The following DCDC1 variants were observed in gnomAD, a reference collection of about 807,000 sequenced individuals.
The protein encoded by DCDC1 is doublecortin domain containing 1.
DCDC1 carries 200 observed loss-of-function variants against 178.3 expected under a neutral mutation model. The observed-to-expected ratio is 1.12, with a 90% CI of 1.00 to 1.26. The LOEUF (loss-of-function observed/expected upper bound fraction) is 1.26. DCDC1 is among the 50% of genes most tolerant of loss of function. The pLI is 0.00. For missense variants in DCDC1, 1,983 were observed against 1,749.2 expected (o/e 1.13, Z -2.38); for synonymous variants, 690 against 604.8 (o/e 1.14, Z -2.07).
At chr11:30,880,791 A>G (rs549556440) in intron 37 of DCDC1, among the ~76,000 whole-genome samples, 4 of 152,334 alleles carry the variant, frequency 2.6e-5, no homozygotes, top group Non-Finnish European at 4.4e-5. Flanking sequence ...TGCAAACCAC[A>G]TAATTACTAT....
At chr11:31,181,282 G>A (rs1156479644) in intron 9 of DCDC1, among the ~76,000 whole-genome samples, 2 of 152,194 alleles carry the variant, frequency 1.3e-5, no homozygotes, top group Non-Finnish European at 2.9e-5. Flanking sequence ...GAGGCTGTGG[G>A]TACAGCTTCA....
chr11:31,088,634 C>T (rs1435848112), intron 17 of DCDC1, among the ~76,000 whole-genome samples: 1 of 151,996 alleles, frequency 6.6e-6, no homozygotes, highest in Non-Finnish European at 1.5e-5. Flanking sequence ...ATATTATCTC[C>T]ACAATATATT....
chr11:31,265,473 T>C (rs1393933995), intron 8 of DCDC1, 34 bp downstream of exon 8: 2 of 1,198,680 alleles, frequency 1.7e-6, no homozygotes, highest in Non-Finnish European at 1.1e-6. Context: ...TTTCAAAATA[T>C]TATCAAATGG....
chr11:31,368,232 C>T (rs1952065060), intron 1 of DCDC1, among the ~76,000 whole-genome samples: 1 of 152,086 alleles, frequency 6.6e-6, no homozygotes. Context: ...TTCTTACTTT[C>T]CAAACCCCAA....
At chr11:31,272,160 TA>T (rs71060483) in intron 7 of DCDC1, among the ~76,000 whole-genome samples, 92,555 of 135,504 alleles carry the variant, frequency 0.68, 31,394 homozygotes, top group East Asian at 0.95. Flanking sequence ...AGACTCCATC[TA>T]AAAAAAAAAA....
At chr11:30,895,651 T>G (rs962571500) in intron 34 of DCDC1, among the ~76,000 whole-genome samples, 3 of 152,158 alleles carry the variant, frequency 2.0e-5, no homozygotes, top group Non-Finnish European at 4.4e-5. Flanking sequence ...GAAATGCTTA[T>G]TATGTCCCTA....
At chr11:31,328,032 G>A in intron 3 of DCDC1, 85 bp downstream of exon 3, 1 of 1,392,138 alleles carries the variant, frequency 7.2e-7, no homozygotes, top group Non-Finnish European at 9.5e-7. Context: ...GCCCGGCCAA[G>A]ACTGATTGAA....
chr11:31,212,894 T>G (rs1972758130), intron 9 of DCDC1, among the ~76,000 whole-genome samples: 1 of 152,150 alleles, frequency 6.6e-6, no homozygotes, highest in South Asian at 2.1e-4. Flanking sequence ...GAAACCTAAA[T>G]GTCCATTAGT....
At chr11:31,339,171 T>C (rs1018578704) in intron 1 of DCDC1, among the ~76,000 whole-genome samples, 2 of 152,148 alleles carry the variant, frequency 1.3e-5, no homozygotes, top group Non-Finnish European at 2.9e-5. Context: ...AGAATGAATT[T>C]TCCTATGTGC....
intron 9 of DCDC1, among the ~76,000 whole-genome samples, chr11:31,221,480 C>T (rs1411787595): frequency 1.3e-5 from 2 of 152,200 alleles, no homozygotes; most frequent in African/African-American, 4.8e-5. Context: ...CTTCCAGGCC[C>T]ACTGGGGTGG....
intron 9 of DCDC1, among the ~76,000 whole-genome samples, chr11:31,159,301 T>C (rs1280036232): frequency 6.6e-6 from 1 of 152,230 alleles, no homozygotes; most frequent in Non-Finnish European, 1.5e-5. Context: ...AAATATTCTC[T>C]ATTTCCTCTA....
intron 1 of DCDC1, among the ~76,000 whole-genome samples, chr11:31,358,763 A>T (rs1354128585): frequency 6.6e-6 from 1 of 152,184 alleles, no homozygotes; most frequent in Non-Finnish European, 1.5e-5. Flanking sequence ...CCCCATCAAA[A>T]AGTGGGCAAA....
chr11:31,335,921 TA>T (rs1008705001), intron 1 of DCDC1, among the ~76,000 whole-genome samples: 4 of 151,608 alleles, frequency 2.6e-5, no homozygotes, highest in Non-Finnish European at 2.9e-5. Flanking sequence ...ACTTTTAAGG[TA>T]AAAAAAAATC....
At chr11:31,312,520 C>T (rs552829831) in intron 3 of DCDC1, among the ~76,000 whole-genome samples, 8 of 152,090 alleles carry the variant, frequency 5.3e-5, no homozygotes, top group African/African-American at 4.8e-5. Context: ...ACTGGTGGAC[C>T]AAGTAAAGCA....
chr11:30,867,583 A>G (rs1437769291), intron 38 of DCDC1, among the ~76,000 whole-genome samples: 2 of 152,184 alleles, frequency 1.3e-5, no homozygotes, highest in East Asian at 1.9e-4. Context: ...GTAAGACTCA[A>G]GTCAGGCCTT....
At chr11:31,152,120 C>G (rs905548096) in intron 9 of DCDC1, among the ~76,000 whole-genome samples, 1 of 152,036 alleles carries the variant, frequency 6.6e-6, no homozygotes, top group African/African-American at 2.4e-5. Flanking sequence ...TTCATTCAAC[C>G]TGGTTCAATT....
intron 8 of DCDC1, among the ~76,000 whole-genome samples, chr11:31,260,136 G>A (rs1238537293): frequency 6.6e-6 from 1 of 152,148 alleles, no homozygotes; most frequent in Non-Finnish European, 1.5e-5. Context: ...GCTCCAATCA[G>A]GCATCCAGAA....
Position 30,996,860 on chromosome 11 carries a change from A to G in DCDC1, c.2592-44292T>C, listed in dbSNP as rs140416701. Among the ~76,000 whole-genome samples, 45 of 152,376 alleles carry G rather than the reference A, an allele frequency of 3.0e-4. 1 individual carries two copies. The East Asian group carries it at 7.7e-3, about 26-fold the overall frequency. ...CTGCTAGGTATTTTCTCACATGAAC[A>G]GAAAATTTTGTTCGCATAAAAACGT... On this transcript the variant is annotated intron_variant, in intron 20 of 38. Coordinates refer to ENST00000684477, the MANE Select transcript of DCDC1 (RefSeq NM_001387274.1).
chr11:31,004,434 G>T (rs1463624629), intron 20 of DCDC1, among the ~76,000 whole-genome samples: 1 of 151,568 alleles, frequency 6.6e-6, no homozygotes, highest in Non-Finnish European at 1.5e-5. Flanking sequence ...AGCACTTTGG[G>T]AGGCCGAGGT....
Sources: gnomAD v4.1 joint callset for allele counts (sites outside exome capture counted in the v4.1 genomes callset) on GRCh38, gnomAD v4.1.1 for gene constraint, MANE v1.5 for transcripts, NCBI Gene and HGNC (gene_info 2026-07-23, HGNC 2026-07-21) for gene names.